CSMD1: variants seen among roughly 807,000 people sequenced by gnomAD.
CSMD1 encodes CUB and sushi domain-containing protein 1.
Under a neutral mutation model 417.5 loss-of-function variants are expected in CSMD1, and 213 were observed. The observed-to-expected ratio is 0.51, with a 90% CI of 0.46 to 0.57. The LOEUF (loss-of-function observed/expected upper bound fraction) is 0.57, where lower values mean the gene tolerates loss of function less well. Among genes scored for constraint, CSMD1 ranks in the 20% least tolerant of loss-of-function variants. CSMD1 has a pLI of 0.00. For missense variants in CSMD1, 6,923 were observed against 4,529.7 expected, an observed-to-expected ratio of 1.53 and a Z score of -15.17; for synonymous variants, 2,862 against 1,736.8, an observed-to-expected ratio of 1.65 and a Z score of -16.11.
At chr8:4,865,296 T>C (rs1802363405) in intron 1 of CSMD1, among the ~76,000 whole-genome samples, 1 of 151,870 alleles carries the variant, frequency 6.6e-6, no homozygotes, top group Non-Finnish European at 1.5e-5. Flanking sequence ...ACTGCTTCTG[T>C]TTTGAATAAA....
intron 26 of CSMD1, among the ~76,000 whole-genome samples, chr8:3,233,615 C>T (rs920277126): frequency 6.6e-6 from 1 of 152,182 alleles, no homozygotes; most frequent in South Asian, 2.1e-4. Context: ...ATTTACTTGG[C>T]CGTTCATATA....
intron 1 of CSMD1, among the ~76,000 whole-genome samples, chr8:4,909,558 T>C (rs761523133): frequency 6.6e-6 from 1 of 152,148 alleles, no homozygotes; most frequent in Non-Finnish European, 1.5e-5. Flanking sequence ...TGTCCATTTT[T>C]CCTTGACCTG....
intron 1 of CSMD1, among the ~76,000 whole-genome samples, chr8:4,665,157 T>TTCTTAGG (rs1048315443): frequency 4.6e-5 from 7 of 152,152 alleles, no homozygotes; most frequent in African/African-American, 1.7e-4. Context: ...ATTTTTTGCT[T>TTCTTAGG]TCTTAGGTCT....
At chr8:4,817,322 T>C (rs975934925) in intron 1 of CSMD1, among the ~76,000 whole-genome samples, 1 of 152,198 alleles carries the variant, frequency 6.6e-6, no homozygotes, top group African/African-American at 2.4e-5. Flanking sequence ...ATTATTTTCT[T>C]CAAGCTCACA....
intron 3 of CSMD1, among the ~76,000 whole-genome samples, chr8:4,255,119 G>C (rs887482663): frequency 6.6e-6 from 1 of 152,084 alleles, no homozygotes; most frequent in Non-Finnish European, 1.5e-5. Context: ...TTCTTCCTTT[G>C]AGAGTATCAG....
intron 10 of CSMD1, among the ~76,000 whole-genome samples, chr8:3,545,121 C>A (rs1201086269): frequency 2.0e-5 from 3 of 152,130 alleles, no homozygotes; most frequent in Admixed American, 2.0e-4. Context: ...CAAAGCAGAT[C>A]GTCTCTCTCT....
chr8:4,349,770 A>G (rs919558957), intron 3 of CSMD1, among the ~76,000 whole-genome samples: 1 of 151,870 alleles, frequency 6.6e-6, no homozygotes, highest in East Asian at 1.9e-4. Context: ...TCTTTCCTCC[A>G]TTAAGATATT....
intron 1 of CSMD1, among the ~76,000 whole-genome samples, chr8:4,646,105 G>A (rs1033613919): frequency 1.6e-4 from 24 of 152,068 alleles, no homozygotes; most frequent in African/African-American, 4.8e-4. Flanking sequence ...CAGAGACTTC[G>A]AGCTTATATT....
chr8:4,728,356 G>C (rs558460570), intron 1 of CSMD1, among the ~76,000 whole-genome samples: 1 of 151,870 alleles, frequency 6.6e-6, no homozygotes, highest in East Asian at 1.9e-4. Flanking sequence ...TAAGTAATTT[G>C]GTCCTCATTA....
chr8:4,320,757 T>C (rs970837877), intron 3 of CSMD1, among the ~76,000 whole-genome samples: 10 of 152,180 alleles, frequency 6.6e-5, no homozygotes, highest in Admixed American at 2.0e-4. Context: ...CAGTCTATCA[T>C]TGACGGGCAT....
chr8:3,359,515 T>C (rs1490287629), intron 20 of CSMD1, among the ~76,000 whole-genome samples, 175 bp from the exon 21 acceptor site: 1 of 151,468 alleles, frequency 6.6e-6, no homozygotes, highest in Non-Finnish European at 1.5e-5. Context: ...TGAACTGTCT[T>C]ATGACAAATG....
intron 3 of CSMD1, among the ~76,000 whole-genome samples, chr8:4,414,028 C>T (rs1469194795): frequency 1.3e-5 from 2 of 152,026 alleles, no homozygotes; most frequent in African/African-American, 2.4e-5. Context: ...TGTGCTAGCA[C>T]GTTCTTGAAA....
Position 3,151,498 on chromosome 8 carries a change from G to A in CSMD1, c.5930C>T (p.Thr1977Met), listed in dbSNP as rs201704028. ...GATCACACCACCCAAGGTGCTCAGC[G>A]TCCCTCCACAGGTTGCTGTTAAGTG... ...SPLCIATCGG[T>M]LSTLGGVILS... The change falls in exon 40 of 70, where the codon ACG (threonine) becomes ATG (methionine). Residue 1977 changes from threonine to methionine, a missense_variant. Coordinates refer to ENST00000635120, the MANE Select transcript of CSMD1 (RefSeq NM_033225.6). 1.4e-3 allele frequency: 2,280 copies of A among 1,612,032 alleles called. 25 individuals are homozygous for A. The highest frequency in any genetic ancestry group is 0.012 in the South Asian group (1,089 of 90,534).
intron 10 of CSMD1, among the ~76,000 whole-genome samples, chr8:3,524,384 TACAC>T (rs1394479952): frequency 4.7e-5 from 6 of 126,686 alleles, no homozygotes; most frequent in Non-Finnish European, 6.6e-5. Context: ...CACATGCACA[TACAC>T]ACACATGCAC....
intron 5 of CSMD1, among the ~76,000 whole-genome samples, chr8:3,931,494 A>G (rs752698294): frequency 1.3e-5 from 2 of 150,338 alleles, no homozygotes; most frequent in Non-Finnish European, 3.0e-5. Context: ...TAAAAGGCAT[A>G]AAAGCTCATA....
intron 49 of CSMD1, among the ~76,000 whole-genome samples, chr8:3,059,805 A>G (rs1175446294): frequency 6.6e-6 from 1 of 152,078 alleles, no homozygotes; most frequent in East Asian, 1.9e-4. Flanking sequence ...GAGTCACAGG[A>G]AAGACTTTAT....
chr8:4,027,687 G>C (rs927400314), intron 4 of CSMD1, among the ~76,000 whole-genome samples: 9 of 152,098 alleles, frequency 5.9e-5, no homozygotes, highest in Admixed American at 5.9e-4. Flanking sequence ...GACTAATACA[G>C]ATGACAACTG....
At chr8:3,955,947 C>T (rs1219240483) in intron 5 of CSMD1, among the ~76,000 whole-genome samples, 1 of 152,186 alleles carries the variant, frequency 6.6e-6, no homozygotes, top group African/African-American at 2.4e-5. Context: ...GCGCCCAACA[C>T]CACGCCCAAC....
Position 4,848,108 on chromosome 8 carries a change from T to C in CSMD1, c.85+146224A>G, listed in dbSNP as rs374026143. On this transcript the variant is annotated intron_variant, in intron 1 of 69. Transcript: ENST00000635120. ...GGTTTTGCAACTGTGTTATTTTTTT[T>C]GGATATTGTCAAGGTTCATCCATGC... Among the ~76,000 whole-genome samples, 56 of 152,310 alleles carry C rather than the reference T, an allele frequency of 3.7e-4. 1 individual carries two copies. Among genetic ancestry groups the C allele is most frequent in the East Asian group, 2.1e-3 (11 of 5,186 alleles).
Sources: allele counts gnomAD v4.1 joint callset (sites outside exome capture counted in the v4.1 genomes callset), GRCh38; gene constraint gnomAD v4.1.1; transcripts MANE v1.5; gene names NCBI Gene and HGNC (gene_info 2026-07-23, HGNC 2026-07-21).